The following PLCXD3 variants were observed in gnomAD, a reference collection of about 807,000 sequenced individuals.
PLCXD3 encodes the protein phosphatidylinositol specific phospholipase C X domain containing 3.
In PLCXD3, 19 loss-of-function variants were observed where a neutral mutation model predicts 25.5. That is an observed-to-expected ratio of 0.75 (90% CI 0.52 to 1.09). PLCXD3 has a LOEUF of 1.09. PLCXD3 is among the 50% of genes least tolerant of loss of function. The pLI is 0.00. For missense variants in PLCXD3, 411 were observed against 388.1 expected, an observed-to-expected ratio of 1.06 and a Z score of -0.50; for synonymous variants, 174 against 137.6, an observed-to-expected ratio of 1.26 and a Z score of -1.85.
chr5:41,373,130 A>G (rs1348885338), intron 2 of PLCXD3, among the ~76,000 whole-genome samples: 1 of 152,030 alleles, frequency 6.6e-6, no homozygotes, highest in African/African-American at 2.4e-5. Context: ...CTTCTTCACT[A>G]ACTGCCACTA....
chr5:41,428,388 G>GTTTTTTT (rs200452336), intron 1 of PLCXD3, among the ~76,000 whole-genome samples: 1 of 131,478 alleles, frequency 7.6e-6, no homozygotes, highest in African/African-American at 2.8e-5. Flanking sequence ...TTTTGTTTTT[G>GTTTTTTT]TTTTTGTTTT....
chr5:41,421,916 C>T (rs1331591420), intron 1 of PLCXD3, among the ~76,000 whole-genome samples: 2 of 152,056 alleles, frequency 1.3e-5, no homozygotes, highest in Non-Finnish European at 2.9e-5. Flanking sequence ...CATTATGTAA[C>T]AACATGCTTT....
chr5:41,410,983 A>C (rs1430083049), intron 1 of PLCXD3, among the ~76,000 whole-genome samples: 1 of 152,208 alleles, frequency 6.6e-6, no homozygotes, highest in African/African-American at 2.4e-5. Context: ...CCACAGGAGC[A>C]GCTCTTATGT....
chr5:41,479,689 G>T (rs539107295), intron 1 of PLCXD3, among the ~76,000 whole-genome samples: 2 of 151,676 alleles, frequency 1.3e-5, no homozygotes, highest in Non-Finnish European at 2.9e-5. Flanking sequence ...AAATTGTATT[G>T]GTCCTTAGTA....
intron 1 of PLCXD3, among the ~76,000 whole-genome samples, chr5:41,491,289 G>C (rs530435903): frequency 1.1e-4 from 17 of 152,342 alleles, no homozygotes; most frequent in African/African-American, 3.8e-4. Context: ...TTGCACTGTG[G>C]TCTGAGAGAT....
At chr5:41,340,883 T>C (rs1408029387) in intron 2 of PLCXD3, among the ~76,000 whole-genome samples, 1 of 152,200 alleles carries the variant, frequency 6.6e-6, no homozygotes, top group East Asian at 1.9e-4. Flanking sequence ...TAGCTACTAA[T>C]AATAGAATGT....
chr5:41,467,341 CAT>C (rs1316851732), intron 1 of PLCXD3, among the ~76,000 whole-genome samples: 16 of 152,154 alleles, frequency 1.1e-4, no homozygotes, highest in Admixed American at 1.0e-3. Flanking sequence ...GTTGGCCATT[CAT>C]ATGATTTCTT....
intron 1 of PLCXD3, among the ~76,000 whole-genome samples, chr5:41,482,310 C>T (rs1196979134): frequency 6.6e-6 from 1 of 151,758 alleles, no homozygotes; most frequent in East Asian, 1.9e-4. Flanking sequence ...ATCCAAGTTG[C>T]ATTATGGTGC....
At position 41,495,947 on chromosome 5, in the gene PLCXD3, TA is replaced by T. The variant is rs202008338; in HGVS notation, c.103+14476del. On this transcript the variant is annotated intron_variant, in intron 1 of 2. Coordinates refer to ENST00000377801, the MANE Select transcript of PLCXD3 (RefSeq NM_001005473.3). ...ATATGTGAATTACCTGACAAATAAT[TA>T]AAAATAACCATCATAAAGTTGTCAT... Among the ~76,000 whole-genome samples the T allele has an allele frequency of 6.0e-3, 917 of 152,130 alleles. 10 individuals carry two copies. The highest frequency in any genetic ancestry group is 0.021 in the African/African-American group (864 of 41,508).
At position 41,312,885 on chromosome 5, in the gene PLCXD3, A is replaced by G. The variant is rs1743176793; in HGVS notation, c.*732T>C. On this transcript the variant is annotated 3_prime_UTR_variant, in exon 3 of 3. Coordinates refer to ENST00000377801, the MANE Select transcript of PLCXD3 (RefSeq NM_001005473.3). ...AGAGATTGCCAAATTAAAATGCCAT[A>G]CATCTCTTTCACCCCTCAACCATTT... is the stretch of plus-strand genomic sequence containing the variant. 1 of 152,582 alleles carries G rather than the reference A, an allele frequency of 6.6e-6. No individual in the cohort carries two copies. Among genetic ancestry groups the G allele is most frequent in the African/African-American group, 2.4e-5 (1 of 41,442 alleles). 9.5% of individuals were successfully genotyped at this position (152,582 alleles called of 1,614,324 possible). A position where few individuals can be genotyped will look rare whatever the true frequency, so the allele number is the denominator to read the frequency against.
intron 1 of PLCXD3, among the ~76,000 whole-genome samples, chr5:41,400,186 A>C (rs1290590684): frequency 6.6e-6 from 1 of 152,068 alleles, no homozygotes; most frequent in Non-Finnish European, 1.5e-5. Flanking sequence ...GAGAGCCAAT[A>C]ATATATGCTG....
chr5:41,465,095 T>C (rs1747982368), intron 1 of PLCXD3, among the ~76,000 whole-genome samples: 1 of 152,034 alleles, frequency 6.6e-6, no homozygotes, highest in African/African-American at 2.4e-5. Context: ...GCATTTATTG[T>C]AAAATTGTTT....
At chr5:41,427,866 A>G (rs1746998960) in intron 1 of PLCXD3, among the ~76,000 whole-genome samples, 1 of 152,306 alleles carries the variant, frequency 6.6e-6, no homozygotes, top group Admixed American at 6.5e-5. Context: ...TTTGAGCCCC[A>G]ACACCATCAA....
At chr5:41,422,006 G>A in intron 1 of PLCXD3, among the ~76,000 whole-genome samples, 1 of 2,888 alleles carries the variant, frequency 3.5e-4, no homozygotes, top group South Asian at 4.5e-3. Flanking sequence ...TATATATATT[G>A]CTAATGCATA....
At chr5:41,451,018 A>C (rs552468541) in intron 1 of PLCXD3, among the ~76,000 whole-genome samples, 3 of 152,130 alleles carry the variant, frequency 2.0e-5, no homozygotes, top group Non-Finnish European at 4.4e-5. Context: ...CTGTATCTTC[A>C]TCTCTGGTTT....
At chr5:41,348,539 A>G (rs1317061473) in intron 2 of PLCXD3, among the ~76,000 whole-genome samples, 1 of 152,222 alleles carries the variant, frequency 6.6e-6, no homozygotes, top group East Asian at 1.9e-4. Context: ...AAATATAATA[A>G]TAAAGGTCTT....
intron 1 of PLCXD3, among the ~76,000 whole-genome samples, chr5:41,481,684 C>T (rs533937727): frequency 1.3e-4 from 20 of 152,272 alleles, no homozygotes; most frequent in African/African-American, 4.6e-4. Flanking sequence ...TAACTGCCAC[C>T]ACACCTGAAA....
intron 1 of PLCXD3, among the ~76,000 whole-genome samples, chr5:41,462,628 G>A (rs1388750248): frequency 6.6e-6 from 1 of 151,870 alleles, no homozygotes; most frequent in Non-Finnish European, 1.5e-5. Context: ...GAAGCCTGTA[G>A]AATAAAGTGT....
chr5:41,389,021 G>C (rs538111295), intron 1 of PLCXD3, among the ~76,000 whole-genome samples: 11 of 151,506 alleles, frequency 7.3e-5, no homozygotes, highest in African/African-American at 2.7e-4. Context: ...AAAATTTATG[G>C]ATAAATATAC....
Sources: allele counts gnomAD v4.1 joint callset (sites outside exome capture counted in the v4.1 genomes callset), GRCh38; gene constraint gnomAD v4.1.1; transcripts MANE v1.5; gene names NCBI Gene and HGNC (gene_info 2026-07-23, HGNC 2026-07-21).